The following CACNA2D3 variants were observed in gnomAD, a reference collection of about 807,000 sequenced individuals.
CACNA2D3 encodes the protein voltage-dependent calcium channel subunit alpha-2/delta-3.
Under a neutral mutation model 160.6 loss-of-function variants are expected in CACNA2D3, and 60 were observed. The ratio of observed to expected loss-of-function variants is 0.37; its 90% CI spans 0.30 to 0.46. The LOEUF is 0.46. Among genes scored for constraint, CACNA2D3 ranks in the 20% least tolerant of loss-of-function variants. The pLI is 1.00. For synonymous variants in CACNA2D3, 558 were observed against 492.9 expected (o/e 1.13, Z -1.75); for missense variants, 1,205 against 1,365.0 (o/e 0.88, Z 1.85).
intron 4 of CACNA2D3, among the ~76,000 whole-genome samples, chr3:54,387,024 AG>A (rs1031870251): frequency 6.6e-6 from 1 of 152,208 alleles, no homozygotes; most frequent in Non-Finnish European, 1.5e-5. Context: ...TCCCCAATTT[AG>A]GGGGAGTTAA....
chr3:54,452,613 A>G (rs1465126393), intron 4 of CACNA2D3, among the ~76,000 whole-genome samples: 2 of 152,218 alleles, frequency 1.3e-5, no homozygotes, highest in Non-Finnish European at 2.9e-5. Context: ...AGCCACTGCC[A>G]CATGTTTAGG....
At chr3:54,969,265 T>TC (rs1023729365) in intron 28 of CACNA2D3, among the ~76,000 whole-genome samples, 2 of 149,268 alleles carry the variant, frequency 1.3e-5, no homozygotes, top group African/African-American at 2.5e-5. Flanking sequence ...AAGTAGACTT[T>TC]TTTTTTTTTT....
intron 2 of CACNA2D3, among the ~76,000 whole-genome samples, chr3:54,265,632 T>C (rs1702491767): frequency 7.5e-6 from 1 of 132,626 alleles, no homozygotes; most frequent in African/African-American, 2.8e-5. Flanking sequence ...ATATAGTGTG[T>C]ATATATATAG....
chr3:54,383,812 C>T (rs6778504), intron 3 of CACNA2D3, among the ~76,000 whole-genome samples: 16,499 of 152,180 alleles, frequency 0.11, 1,062 homozygotes, highest in African/African-American at 0.17. Context: ...GTTCTGGCTG[C>T]TCTTAGTAGT....
chr3:54,142,881 C>T (rs538447383), intron 2 of CACNA2D3, among the ~76,000 whole-genome samples: 1 of 152,328 alleles, frequency 6.6e-6, no homozygotes, highest in Admixed American at 6.5e-5. Flanking sequence ...TCCTTTCTCT[C>T]ATGGCCTGCA....
At chr3:54,657,247 G>A (rs1403248845) in intron 11 of CACNA2D3, among the ~76,000 whole-genome samples, 4 of 152,178 alleles carry the variant, frequency 2.6e-5, no homozygotes, top group African/African-American at 7.2e-5. Context: ...GGATGTGTAC[G>A]TGCAGGTCAC....
chr3:55,045,378 C>A (rs1169496629), intron 35 of CACNA2D3, among the ~76,000 whole-genome samples: 2 of 152,112 alleles, frequency 1.3e-5, no homozygotes, highest in Non-Finnish European at 2.9e-5. Flanking sequence ...ATGCTGTCAT[C>A]TGGTTTTGAT....
intron 11 of CACNA2D3, among the ~76,000 whole-genome samples, chr3:54,727,909 T>TA (rs1296336008): frequency 1.3e-5 from 2 of 152,126 alleles, no homozygotes; most frequent in South Asian, 2.1e-4. Context: ...AAGTATATAT[T>TA]AAAAAAAGAT....
intron 2 of CACNA2D3, among the ~76,000 whole-genome samples, chr3:54,292,007 A>T (rs1703218999): frequency 6.6e-6 from 1 of 152,352 alleles, no homozygotes; most frequent in African/African-American, 2.4e-5. Flanking sequence ...GCCCAGAAAC[A>T]AACCCTCACA....
At chr3:54,952,139 C>A (rs1701773305) in intron 27 of CACNA2D3, among the ~76,000 whole-genome samples, 1 of 152,222 alleles carries the variant, frequency 6.6e-6, no homozygotes, top group Admixed American at 6.5e-5. Flanking sequence ...AGCCACTGGG[C>A]CTGGCTGGCC....
chr3:54,717,583 CGTGTGTGT>C (rs776894032), intron 11 of CACNA2D3, among the ~76,000 whole-genome samples: 1 of 107,250 alleles, frequency 9.3e-6, no homozygotes, highest in Non-Finnish European at 1.8e-5. Flanking sequence ...TGTATGTGTG[CGTGTGTGT>C]GCATACATTC....
intron 3 of CACNA2D3, among the ~76,000 whole-genome samples, chr3:54,329,467 C>T (rs1704196031): frequency 6.6e-6 from 1 of 152,202 alleles, no homozygotes; most frequent in Non-Finnish European, 1.5e-5. Context: ...TGCAAAGCAA[C>T]TGTGGGGTTC....
At chr3:54,838,702 G>C (rs1559600587) in intron 16 of CACNA2D3, 54 bp downstream of exon 16, 15 of 1,342,350 alleles carry the variant, frequency 1.1e-5, no homozygotes, top group Non-Finnish European at 1.6e-5. Context: ...CCAGAGCCTT[G>C]TTTTCACAAA....
intron 31 of CACNA2D3, among the ~76,000 whole-genome samples, chr3:54,992,162 T>C (rs1306013255): frequency 6.6e-6 from 1 of 152,168 alleles, no homozygotes; most frequent in Non-Finnish European, 1.5e-5. Context: ...GCCCAGGCAC[T>C]TGTGCTCTTT....
At chr3:54,168,337 G>T (rs1411032535) in intron 2 of CACNA2D3, among the ~76,000 whole-genome samples, 1 of 152,254 alleles carries the variant, frequency 6.6e-6, no homozygotes, top group Admixed American at 6.5e-5. Flanking sequence ...TGAGTAGGTT[G>T]TGTTTGGTAA....
intron 4 of CACNA2D3, among the ~76,000 whole-genome samples, chr3:54,430,138 A>T (rs184403613): frequency 5.9e-5 from 9 of 152,356 alleles, no homozygotes; most frequent in African/African-American, 2.2e-4. Flanking sequence ...ACTACTTTCT[A>T]TGTAAATTGT....
chr3:55,072,093 G>T (rs193230047), intron 35 of CACNA2D3, among the ~76,000 whole-genome samples: 75 of 152,330 alleles, frequency 4.9e-4, no homozygotes, highest in African/African-American at 1.7e-3. Flanking sequence ...AGATATAGAT[G>T]AAATTAATTA....
chr3:54,702,156 C>T (rs1202758270), intron 11 of CACNA2D3, among the ~76,000 whole-genome samples: 1 of 152,070 alleles, frequency 6.6e-6, no homozygotes, highest in East Asian at 1.9e-4. Flanking sequence ...ATTGTGAAAA[C>T]CCTAGAAGAA....
rs575950077 is a variant in CACNA2D3 at position 54,806,941 on chromosome 3, T to G, written c.1381-9912T>G. On this transcript the variant is annotated intron_variant, in intron 13 of 37. Coordinates refer to ENST00000474759, the MANE Select transcript of CACNA2D3 (RefSeq NM_018398.3). ...TGATCTTTGACAAACCTGAGAAAAA[T>G]AAGCAATGGGGAAAGGAATCCCTAC... Among the ~76,000 whole-genome samples the G allele has an allele frequency of 2.3e-3, 345 of 152,014 alleles. 2 individuals carry two copies. The highest frequency in any genetic ancestry group is 0.015 in the South Asian group (72 of 4,810).
Sources: gnomAD v4.1 joint callset for allele counts (sites outside exome capture counted in the v4.1 genomes callset) on GRCh38, gnomAD v4.1.1 for gene constraint, MANE v1.5 for transcripts, NCBI Gene and HGNC (gene_info 2026-07-23, HGNC 2026-07-21) for gene names.